KIAA1217: variants seen among roughly 807,000 people sequenced by gnomAD.
KIAA1217 encodes the protein KIAA1217, also known as sickle tail protein homolog.
Under a neutral mutation model 163.9 loss-of-function variants are expected in KIAA1217, and 88 were observed. That is an observed-to-expected ratio of 0.54 (90% CI 0.45 to 0.64). The LOEUF (loss-of-function observed/expected upper bound fraction) is 0.64. Ranked by LOEUF, KIAA1217 falls within the 30% of genes least tolerant of loss-of-function variation. KIAA1217 has a pLI of 0.00. For synonymous variants in KIAA1217, 903 were observed against 923.1 expected, an observed-to-expected ratio of 0.98 and a Z score of 0.39; for missense variants, 2,372 against 2,475.0, an observed-to-expected ratio of 0.96 and a Z score of 0.88.
chr10:24,457,299 G>C (rs2061891295), intron 5 of KIAA1217, among the ~76,000 whole-genome samples: 1 of 151,464 alleles, frequency 6.6e-6, no homozygotes. Context: ...GAAGTGACTT[G>C]AAAGCTCTTG....
intron 1 of KIAA1217, among the ~76,000 whole-genome samples, chr10:24,216,695 C>T (rs1390956786): frequency 3.3e-5 from 5 of 151,250 alleles, no homozygotes; most frequent in East Asian, 3.9e-4. Flanking sequence ...GGCATGGTTG[C>T]GCACGGCTGT....
chr10:23,982,408 A>G lies in KIAA1217; in HGVS notation c.-320-24817A>G, dbSNP rs144376339. On this transcript the variant is annotated intron_variant, in intron 1 of 18. Coordinates refer to the KIAA1217 transcript ENST00000376462. ...AGCAGTGGGAGTGACGCTGGCCTCT[A>G]AAGTCAGAAGTTACAGTCTCAAGAG... is the stretch of plus-strand genomic sequence containing the variant. 4.9e-3 allele frequency among the ~76,000 whole-genome samples: 742 copies of G among 152,268 alleles called. 11 individuals carry two copies. The highest frequency in any genetic ancestry group is 0.016 in the African/African-American group (661 of 41,562).
At chr10:24,425,582 C>T (rs1456434591) in intron 3 of KIAA1217, among the ~76,000 whole-genome samples, 1 of 152,140 alleles carries the variant, frequency 6.6e-6, no homozygotes. Flanking sequence ...CTTACAATTG[C>T]TTTTCATAAC....
chr10:24,308,921 G>A (rs1348928468), intron 2 of KIAA1217, among the ~76,000 whole-genome samples: 1 of 152,068 alleles, frequency 6.6e-6, no homozygotes, highest in Non-Finnish European at 1.5e-5. Flanking sequence ...TGAGGAGTTT[G>A]AGACCAGCCT....
intron 1 of KIAA1217, among the ~76,000 whole-genome samples, chr10:23,874,384 G>A (rs1250230253): frequency 1.3e-5 from 2 of 152,008 alleles, no homozygotes; most frequent in African/African-American, 4.8e-5. Flanking sequence ...TTGTTCACAA[G>A]TTCAAGTGAC....
intron 2 of KIAA1217, among the ~76,000 whole-genome samples, chr10:24,311,420 G>A (rs1231737833): frequency 6.6e-6 from 1 of 152,216 alleles, no homozygotes; most frequent in Non-Finnish European, 1.5e-5. Context: ...CAAGTAGTAA[G>A]TATTGGTTGA....
At chr10:24,047,538 A>G (rs1849124584) in intron 2 of KIAA1217, among the ~76,000 whole-genome samples, 1 of 152,202 alleles carries the variant, frequency 6.6e-6, no homozygotes, top group African/African-American at 2.4e-5. Context: ...GTCTCTATTT[A>G]CATACCTACA....
chr10:24,467,888 T>A (rs543276925), intron 5 of KIAA1217, among the ~76,000 whole-genome samples: 1 of 152,126 alleles, frequency 6.6e-6, no homozygotes, highest in East Asian at 1.9e-4. Flanking sequence ...TCCCACAAGG[T>A]CTGACTTTGA....
intron 3 of KIAA1217, among the ~76,000 whole-genome samples, chr10:24,419,610 T>C (rs2058567806): frequency 6.6e-6 from 1 of 152,204 alleles, no homozygotes; most frequent in East Asian, 1.9e-4. Context: ...GCCTGGCACA[T>C]AGCAAATGCT....
At chr10:24,451,322 C>A (rs2061356558) in intron 5 of KIAA1217, among the ~76,000 whole-genome samples, 1 of 152,184 alleles carries the variant, frequency 6.6e-6, no homozygotes, top group African/African-American at 2.4e-5. Flanking sequence ...GCTGGCAGAG[C>A]TCTCAGGAGG....
At chr10:24,331,508 T>C (rs2045665121) in intron 2 of KIAA1217, among the ~76,000 whole-genome samples, 1 of 152,228 alleles carries the variant, frequency 6.6e-6, no homozygotes. Flanking sequence ...AATTATGACT[T>C]AATGAAATTC....
At chr10:23,993,029 CT>C (rs1188657000) in intron 1 of KIAA1217, among the ~76,000 whole-genome samples, 3,846 of 118,548 alleles carry the variant, frequency 0.032, 37 homozygotes, top group Middle Eastern at 0.066. Context: ...TGATAGCTTC[CT>C]TTTTTTTTTT....
intron 2 of KIAA1217, among the ~76,000 whole-genome samples, chr10:24,131,744 G>A (rs2063659443): frequency 6.6e-6 from 1 of 152,190 alleles, no homozygotes; most frequent in African/African-American, 2.4e-5. Flanking sequence ...ATGCATTTTA[G>A]TGGGGGCATG....
At chr10:24,436,497 G>T (rs1413195265) in intron 4 of KIAA1217, among the ~76,000 whole-genome samples, 2 of 149,606 alleles carry the variant, frequency 1.3e-5, no homozygotes, top group Non-Finnish European at 3.0e-5. Context: ...TGTGGCTCAC[G>T]CCTGTAATCC....
chr10:24,459,661 G>A (rs79616848), intron 5 of KIAA1217, among the ~76,000 whole-genome samples: 4,803 of 152,150 alleles, frequency 0.032, 252 homozygotes, highest in African/African-American at 0.11. Context: ...GATGGTTGAC[G>A]CTTGTAATCC....
chr10:24,473,307 C>A lies in KIAA1217; in HGVS notation c.926C>A (p.Ala309Glu), dbSNP rs771590028. Residue 309 changes from alanine to glutamate, a missense_variant, in exon 6 of 21, where the codon GCG becomes GAG. Transcript: ENST00000376454. Reference sequence around the variant, plus strand: ...GGATCTACTGCTCATCCACCCCATGCGATTCCAAATTCCCCACCGTCTACT... The same window carrying A: ...GGATCTACTGCTCATCCACCCCATGAGATTCCAAATTCCCCACCGTCTACT... The part of the protein sequence containing the change: ...RPGSTAHPPH[A>E]IPNSPPSTPV... The A allele has an allele frequency of 3.9e-6, 6 of 1,556,160 alleles. No homozygotes were observed. The African/African-American group carries it at 4.1e-5, about 11-fold the overall frequency.
intron 1 of KIAA1217, among the ~76,000 whole-genome samples, chr10:23,793,653 T>A (rs1205979404): frequency 1.3e-5 from 2 of 152,236 alleles, no homozygotes; most frequent in African/African-American, 4.8e-5. Flanking sequence ...TTGCTAACCA[T>A]GCACATTTTT....
chr10:24,017,211 C>T (rs1354028428), intron 2 of KIAA1217, among the ~76,000 whole-genome samples: 2 of 151,826 alleles, frequency 1.3e-5, no homozygotes, highest in Non-Finnish European at 2.9e-5. Context: ...TGTCACCACA[C>T]CTGGCTAACT....
At chr10:24,459,285 C>T (rs1378291687) in intron 5 of KIAA1217, among the ~76,000 whole-genome samples, 1 of 152,152 alleles carries the variant, frequency 6.6e-6, no homozygotes. Context: ...TTCATGAACC[C>T]ACTCTCACCT....
Sources: gnomAD v4.1 joint callset for allele counts (sites outside exome capture counted in the v4.1 genomes callset) on GRCh38, gnomAD v4.1.1 for gene constraint, MANE v1.5 for transcripts, NCBI Gene and HGNC (gene_info 2026-07-23, HGNC 2026-07-21) for gene names.